SYNE2: variants seen among roughly 807,000 people sequenced by gnomAD.
The protein encoded by SYNE2 is spectrin repeat containing nuclear envelope protein 2.
In SYNE2, 431 loss-of-function variants were observed where a neutral mutation model predicts 856.3. The observed-to-expected ratio is 0.50, with a 90% CI of 0.47 to 0.55. The LOEUF (loss-of-function observed/expected upper bound fraction) is 0.55, where lower values mean the gene tolerates loss of function less well. SYNE2 is among the 20% of genes least tolerant of loss of function. The probability of loss-of-function intolerance (pLI) is 0.00; values close to 1 mark genes in which losing one functional copy is unlikely to be tolerated. For synonymous variants in SYNE2, 2,923 were observed against 2,872.3 expected (o/e 1.02, Z -0.56); for missense variants, 8,129 against 8,023.2 (o/e 1.01, Z -0.50).
chr14:63,907,977 A>G (rs2095428558), intron 1 of SYNE2, among the ~76,000 whole-genome samples: 1 of 152,206 alleles, frequency 6.6e-6, no homozygotes, highest in Non-Finnish European at 1.5e-5. Flanking sequence ...GCAAGAGCTA[A>G]TAAAAGGGAT....
At chr14:64,191,944 A>G (rs1451388504) in intron 99 of SYNE2, among the ~76,000 whole-genome samples, 2 of 152,228 alleles carry the variant, frequency 1.3e-5, no homozygotes, top group Admixed American at 1.3e-4. Context: ...TAATTGGCTT[A>G]CATCAGAGGC....
chr14:64,219,217 A>G lies in SYNE2; in HGVS notation c.19667A>G (p.Asp6556Gly), dbSNP rs1289513167. The part of the protein sequence containing the change: ...GITEQQSGAF[D>G]RWEMIQAQEL... ...GATTTTTTAATTCCAGGTGCCTTCG[A>G]CAGATGGGAGATGATTCAAGCACAG... The change falls in exon 110 of 116, where the codon GAC (aspartate) becomes GGC (glycine). Residue 6556 changes from aspartate (D) to glycine (G), a missense_variant. By Grantham distance (94) the Asp-to-Gly change is moderately conservative. Around this residue, in one of 3 missense-constraint regions of SYNE2, gnomAD observed 5,410 missense variants for 5,284.8 expected, o/e 1.02. Transcript: ENST00000555002. The G allele has an allele frequency of 9.3e-6, 15 of 1,612,478 alleles. No homozygotes were observed. Among genetic ancestry groups the G allele is most frequent in the Non-Finnish European group, 1.3e-5 (15 of 1,179,864 alleles).
At chr14:64,042,393 T>C (rs1419822058) in intron 45 of SYNE2, among the ~76,000 whole-genome samples, 1 of 152,238 alleles carries the variant, frequency 6.6e-6, no homozygotes, top group Non-Finnish European at 1.5e-5. Context: ...TAAATTATTT[T>C]CTTAATACAG....
chr14:63,834,406 TTTTG>T (rs1295143367), intron 1 of SYNE2, among the ~76,000 whole-genome samples: 5 of 152,198 alleles, frequency 3.3e-5, no homozygotes, highest in Middle Eastern at 3.4e-3. Context: ...CCTTGGGTTA[TTTTG>T]TTTGTTTGTT....
At chr14:63,947,022 G>T (rs9796357) in intron 6 of SYNE2, among the ~76,000 whole-genome samples, 16,845 of 151,954 alleles carry the variant, frequency 0.11, 1,264 homozygotes, top group African/African-American at 0.21. Flanking sequence ...GCTAATTTTT[G>T]TGTTTTTAGT....
chr14:63,949,973 C>T lies in SYNE2; in HGVS notation c.557C>T (p.Ala186Val). ...AGATGGCAAATGTCTGCAAGAAAGG[C>T]CCTTCTTTTGTGGGCTCAGGAACAA... ...QARWQMSARK[A>V]LLLWAQEQCA... The change falls in exon 7 of 116, where the codon GCC becomes GTC. Residue 186 changes from alanine to valine, a missense_variant. This residue lies in a region of SYNE2 where 2,422 missense variants were observed against 2,357.4 expected (regional missense o/e 1.03). Coordinates refer to ENST00000555002, the MANE Select transcript of SYNE2 (RefSeq NM_182914.3). 1 of 1,614,140 alleles carries T rather than the reference C, an allele frequency of 6.2e-7. No individual in the cohort carries two copies. The highest frequency in any genetic ancestry group is 1.1e-5 in the South Asian group (1 of 91,084).
At chr14:64,164,644 AAAAC>A (rs892618037) in intron 89 of SYNE2, among the ~76,000 whole-genome samples, 200 of 152,282 alleles carry the variant, frequency 1.3e-3, no homozygotes, top group African/African-American at 4.2e-3. Context: ...TACCAGCAGG[AAAAC>A]AAACAAACAA....
intron 2 of SYNE2, among the ~76,000 whole-genome samples, chr14:63,921,101 C>T (rs1415021545): frequency 1.3e-5 from 2 of 151,344 alleles, no homozygotes; most frequent in Non-Finnish European, 2.9e-5. Context: ...GGGGACAGAG[C>T]GAGACTCTGT....
At chr14:64,012,372 T>A (rs2096853411) in intron 32 of SYNE2, among the ~76,000 whole-genome samples, 1 of 152,220 alleles carries the variant, frequency 6.6e-6, no homozygotes, top group Non-Finnish European at 1.5e-5. Flanking sequence ...CCATTTTAAA[T>A]TCTTTTCTGT....
At chr14:64,185,696 T>C (rs2098485939) in intron 96 of SYNE2, among the ~76,000 whole-genome samples, 2 of 151,922 alleles carry the variant, frequency 1.3e-5, no homozygotes, top group Admixed American at 1.3e-4. Flanking sequence ...AATTTTTGTA[T>C]TTTTAGTAGA....
At chr14:63,857,543 T>G (rs749485331) in intron 1 of SYNE2, among the ~76,000 whole-genome samples, 1 of 152,206 alleles carries the variant, frequency 6.6e-6, no homozygotes, top group Non-Finnish European at 1.5e-5. Flanking sequence ...TTCAAAGAAC[T>G]ACTATACTTT....
chr14:63,833,491 C>T (rs184310878), intron 1 of SYNE2, among the ~76,000 whole-genome samples: 60 of 152,280 alleles, frequency 3.9e-4, no homozygotes, highest in Non-Finnish European at 6.9e-4. Context: ...TGGCACTTAA[C>T]AAGCAGACCG....
At chr14:63,961,104 A>G (rs762925263) in intron 8 of SYNE2, among the ~76,000 whole-genome samples, 8 of 152,198 alleles carry the variant, frequency 5.3e-5, no homozygotes, top group Non-Finnish European at 8.8e-5. Flanking sequence ...TTTACTGCAC[A>G]CATGCCAAGA....
intron 1 of SYNE2, among the ~76,000 whole-genome samples, chr14:63,884,422 C>A: frequency 6.6e-6 from 1 of 152,094 alleles, no homozygotes; most frequent in East Asian, 1.9e-4. Flanking sequence ...TTGCATCAGA[C>A]TTGATGTTTG....
intron 1 of SYNE2, among the ~76,000 whole-genome samples, chr14:63,793,219 C>T (rs1247810760): frequency 6.6e-6 from 1 of 152,144 alleles, no homozygotes; most frequent in Admixed American, 6.6e-5. Context: ...ACACAGCCAC[C>T]TTGGCACAAA....
At chr14:64,202,082 G>C in intron 99 of SYNE2, 1 of 664,310 alleles carries the variant, frequency 1.5e-6, no homozygotes, top group African/African-American at 1.8e-5. Flanking sequence ...TTTCAAATCT[G>C]CTCCACGCCG....
chr14:64,112,052 G>C (rs2097813063), intron 65 of SYNE2, among the ~76,000 whole-genome samples: 1 of 152,202 alleles, frequency 6.6e-6, no homozygotes, highest in Non-Finnish European at 1.5e-5. Context: ...CAAGACACTT[G>C]TGCCAGACCA....
At chr14:64,220,709 T>G in intron 111 of SYNE2, 72 bp downstream of exon 111, 3 of 1,546,272 alleles carry the variant, frequency 1.9e-6, no homozygotes, top group Non-Finnish European at 2.6e-6. Flanking sequence ...CAGATATTTT[T>G]ATCATCATCA....
At chr14:63,995,939 G>A (rs760835949) in intron 23 of SYNE2, among the ~76,000 whole-genome samples, 7 of 152,150 alleles carry the variant, frequency 4.6e-5, no homozygotes, top group Non-Finnish European at 5.9e-5. Flanking sequence ...TCCCTTAGGC[G>A]ATTTTATGCA....
Sources: gnomAD v4.1 joint callset for allele counts (sites outside exome capture counted in the v4.1 genomes callset) on GRCh38, gnomAD v4.1.1 for gene constraint, gnomAD v4.1.1 regional missense constraint, MANE v1.5 for transcripts, NCBI Gene and HGNC (gene_info 2026-07-23, HGNC 2026-07-21) for gene names.